Variants in SOX7 observed in about 807,000 individuals in gnomAD.
SOX7 encodes the protein SRY-box transcription factor 7, also known as transcription factor SOX-7.
SOX7 carries 19 observed loss-of-function variants against 24.9 expected under a neutral mutation model. The ratio of observed to expected loss-of-function variants is 0.76; its 90% CI spans 0.53 to 1.12. The LOEUF (loss-of-function observed/expected upper bound fraction) is 1.12. Among genes scored for constraint, SOX7 ranks in the 50% most tolerant of loss-of-function variants. SOX7 has a pLI of 0.00. For missense variants in SOX7, 702 were observed against 535.0 expected, an observed-to-expected ratio of 1.31 and a Z score of -3.08; for synonymous variants, 327 against 244.5, an observed-to-expected ratio of 1.34 and a Z score of -3.15.
At position 10,730,316 on chromosome 8, in the gene SOX7, CCTTGTCCCCCGGGGG is replaced by C. The variant is rs1393521510; in HGVS notation, c.103_117del (p.Pro35_Lys39del). 2 of 1,575,198 alleles carry C rather than the reference CCTTGTCCCCCGGGGG, an allele frequency of 1.3e-6. No individual in the cohort carries two copies. The highest frequency in any genetic ancestry group is 2.3e-5 in the South Asian group (2 of 87,088). ...GGCCGCCGGATACGGCTCTCGGAGC[CCTTGTCCCCCGGGGG>C]CCGGGGGACGGCCGGCGGCGATTGT... is the stretch of plus-strand genomic sequence containing the variant. On this transcript the variant is annotated inframe_deletion, in exon 1 of 2. Transcript: ENST00000304501. This position sits in a 1 kb window ranked among gnomAD's most constrained non-coding sequence, Gnocchi z 4.8.
chr8:10,725,934 A>T lies in SOX7; in HGVS notation c.971T>A (p.Leu324Gln). ...ALDQLSQVELLGDMDRNEFDQ... is the reference protein window; with the variant it reads ...ALDQLSQVELQGDMDRNEFDQ... ...GAATTCATTGCGATCCATGTCCCCC[A>T]GGAGTTCCACCTGGCTCAGTTGATC... Residue 324 changes from leucine to glutamine, a missense_variant, in exon 2 of 2, where the codon CTG (leucine) becomes CAG (glutamine). Coordinates refer to ENST00000304501, the MANE Select transcript of SOX7 (RefSeq NM_031439.4). 6.2e-7 allele frequency: 1 copy of T among 1,613,836 alleles called. No homozygotes were observed. Among genetic ancestry groups the T allele is most frequent in the Non-Finnish European group, 8.5e-7 (1 of 1,179,792 alleles).
At chr8:10,729,682 G>A (rs570694802) in intron 1 of SOX7, 2 of 152,408 alleles carry the variant, frequency 1.3e-5, no homozygotes, top group African/African-American at 4.8e-5. Flanking sequence ...GTTAAAGCAA[G>A]GATTCGTTCC....
In SOX7 at chr8:10,726,157, G is replaced by T; in HGVS notation, c.748C>A (p.Pro250Thr). ...CCCAGGGGGTGGCTACAGTGGAGAGGGCTTGGGGCGTACTCCGGTGAGTAC... is the reference window on the plus strand; with the variant it reads ...CCCAGGGGGTGGCTACAGTGGAGAGTGCTTGGGGCGTACTCCGGTGAGTAC... ...HPYSPEYAPS[P>T]LHCSHPLGSL... Residue 250 changes from proline (P) to threonine (T), a missense_variant, in exon 2 of 2, where the codon CCT becomes ACT. Pro to Thr is a conservative substitution (Grantham distance 38). Transcript: ENST00000304501. 2 of 1,602,368 alleles carry T rather than the reference G, an allele frequency of 1.2e-6. No individual in the cohort carries two copies. The highest frequency in any genetic ancestry group is 1.7e-6 in the Non-Finnish European group (2 of 1,174,464).
chr8:10,726,600 C>T lies in SOX7; in HGVS notation c.305G>A (p.Arg102His). The change falls in exon 2 of 2, where the codon CGC (arginine) becomes CAC (histidine). Residue 102 changes from arginine (R) to histidine (H), a missense_variant. Arg to His is a conservative substitution (Grantham distance 29). Transcript: ENST00000304501. ...RPYVDEAERL[R>H]LQHMQDYPNY... ...GGGGTAGTCCTGCATGTGCTGCAGG[C>T]GCAGCCGCTCCGCCTCGTCCACGTA... is the stretch of plus-strand genomic sequence containing the variant. The T allele has an allele frequency of 3.1e-6, 5 of 1,608,548 alleles. No individual in the cohort carries two copies. The highest frequency in any genetic ancestry group is 2.5e-6 in the Non-Finnish European group (3 of 1,179,546).
In SOX7 at chr8:10,725,640, C is replaced by A; in HGVS notation, c.*98G>T. The stretch of plus-strand genomic sequence containing the variant: ...GCAGTTCAGACCTCCCTGCCCTGAG[C>A]GGTGGGAGGAAAGCTGGTGTGGCTG... On this transcript the variant is annotated 3_prime_UTR_variant, in exon 2 of 2. Coordinates refer to ENST00000304501, the MANE Select transcript of SOX7 (RefSeq NM_031439.4). 2.3e-6 allele frequency: 3 copies of A among 1,309,888 alleles called. No individual in the cohort carries two copies. The highest frequency in any genetic ancestry group is 1.9e-5 in the Admixed American group (1 of 53,094). The allele number at this position is 1,309,888 out of a possible 1,614,324, so 81.1% of individuals were successfully genotyped here.
chr8:10,725,441 A>G lies in SOX7; in HGVS notation c.*297T>C, dbSNP rs1800122587. 2.3e-6 allele frequency: 1 copy of G among 431,470 alleles called. No homozygotes were observed. Among genetic ancestry groups the G allele is most frequent in the South Asian group, 3.3e-5 (1 of 30,322 alleles). The allele number at this position is 431,470 out of a possible 1,614,324, so 26.7% of individuals were successfully genotyped here. ...CCATTAGTTTCGATGATGGCTACCA[A>G]GAAAAGACGTCAGTGAACATTCCAC... is the stretch of plus-strand genomic sequence containing the variant. On this transcript the variant is annotated 3_prime_UTR_variant, in exon 2 of 2. Transcript: ENST00000304501.
rs767127133 is a variant in SOX7 at position 10,725,766 on chromosome 8, G to A, written c.1139C>T (p.Thr380Met). 11 of 1,614,074 alleles carry A rather than the reference G, an allele frequency of 6.8e-6. No homozygotes were observed. In the East Asian group the frequency reaches 1.3e-4, roughly 20 times the overall value. The change falls in exon 2 of 2, where the codon ACG (threonine) becomes ATG (methionine). Residue 380 changes from threonine to methionine, a missense_variant. Thr to Met is a moderately conservative substitution (Grantham distance 81). Coordinates refer to ENST00000304501, the MANE Select transcript of SOX7 (RefSeq NM_031439.4). ...LISVLADATA[T>M]YYNSYSVS ...TGACACACTGTAGCTGTTGTAGTAC[G>A]TGGCCGTGGCATCAGCCAGGACGGA...
At position 10,725,756 on chromosome 8, in the gene SOX7, G is replaced by C; in HGVS notation, c.1149C>G (p.Asn383Lys). The C allele has an allele frequency of 6.2e-7, 1 of 1,614,190 alleles. No individual in the cohort carries two copies. Among genetic ancestry groups the C allele is most frequent in the Middle Eastern group, 1.6e-4 (1 of 6,062 alleles). ...VLADATATYY[N>K]SYSVS ...TCCAGCTCTATGACACACTGTAGCT[G>C]TTGTAGTACGTGGCCGTGGCATCAG... Residue 383 changes from asparagine to lysine, a missense_variant, in exon 2 of 2, where the codon AAC becomes AAG. Coordinates refer to ENST00000304501, the MANE Select transcript of SOX7 (RefSeq NM_031439.4).
At chr8:10,729,818 C>T (rs1800224828) in intron 1 of SOX7, among the ~76,000 whole-genome samples, 1 of 152,100 alleles carries the variant, frequency 6.6e-6, no homozygotes, top group African/African-American at 2.4e-5. Context: ...CTAGTAAACG[C>T]CTGTTCCACC....
chr8:10,725,309 C>T lies in SOX7; in HGVS notation c.*429G>A, dbSNP rs142619492. 1.6e-4 allele frequency: 32 copies of T among 195,450 alleles called. 1 individual carries two copies. The highest frequency in any genetic ancestry group is 1.1e-3 in the Admixed American group (21 of 18,940). The allele number at this position is 195,450 out of a possible 1,614,324, so 12.1% of individuals were successfully genotyped here. On this transcript the variant is annotated 3_prime_UTR_variant, in exon 2 of 2. Coordinates refer to ENST00000304501, the MANE Select transcript of SOX7 (RefSeq NM_031439.4). ...AAATTATCACCAGATCGTAGGTTAG[C>T]GAGCTCATTAATGAGTCAAATTTCC...
chr8:10,727,323 C>T lies in SOX7; in HGVS notation c.239-657G>A, dbSNP rs367773827. 1.3e-4 allele frequency among the ~76,000 whole-genome samples: 20 copies of T among 152,290 alleles called. No homozygotes were observed. The South Asian group carries it at 1.5e-3, about 11-fold the overall frequency. On this transcript the variant is annotated intron_variant, in intron 1 of 1. Transcript: ENST00000304501. ...CTAGCATCTGCTTGCAACACATATA[C>T]GCACACCCAGACACATGCATGCACA...
In SOX7 at chr8:10,726,513, G is replaced by A. The variant is rs780094019; in HGVS notation, c.392C>T (p.Pro131Leu). The A allele has an allele frequency of 3.1e-6, 5 of 1,612,458 alleles. No homozygotes were observed. The South Asian group carries it at 3.3e-5, about 11-fold the overall frequency. ...QAKRLCKRVDPGFLLSSLSRD... is the reference protein window; with the variant it reads ...QAKRLCKRVDLGFLLSSLSRD... ...GGAGAGGGAGCTCAGAAGGAAGCCC[G>A]GGTCCACGCGCTTGCACAGCCGCTT... Residue 131 changes from proline (P) to leucine (L), a missense_variant, in exon 2 of 2, where the codon CCG (proline) becomes CTG (leucine). Transcript: ENST00000304501.
chr8:10,726,387 C>G lies in SOX7; in HGVS notation c.518G>C (p.Ser173Thr). Reference protein sequence around the residue: ...GEYSPGTALPSLRGCYHEGPA... With the variant: ...GEYSPGTALPTLRGCYHEGPA... ...CCCCTCGTGGTAGCAGCCCCGGAGGCTGGGCAGGGCAGTGCCGGGGGAGTA... is the reference window on the plus strand; with the variant it reads ...CCCCTCGTGGTAGCAGCCCCGGAGGGTGGGCAGGGCAGTGCCGGGGGAGTA... Residue 173 changes from serine (S) to threonine (T), a missense_variant, in exon 2 of 2, where the codon AGC becomes ACC. By Grantham distance (58) the Ser-to-Thr change is moderately conservative (BLOSUM62 1). Transcript: ENST00000304501. 10 of 1,612,304 alleles carry G rather than the reference C, an allele frequency of 6.2e-6. No individual in the cohort carries two copies. The highest frequency in any genetic ancestry group is 8.5e-6 in the Non-Finnish European group (10 of 1,179,290).
At position 10,724,364 on chromosome 8, in the gene SOX7, T is replaced by C. The variant is rs1040655142; in HGVS notation, c.*1374A>G. ...ATTCTCACAGCAGCTAAAGGAAGCA[T>C]GCTTGGGATAAGTCAGGGGCTGTTT... On this transcript the variant is annotated 3_prime_UTR_variant, in exon 2 of 2. Coordinates refer to ENST00000304501, the MANE Select transcript of SOX7 (RefSeq NM_031439.4). 4 of 152,202 alleles carry C rather than the reference T, an allele frequency of 2.6e-5. No homozygotes were observed. Among genetic ancestry groups the C allele is most frequent in the African/African-American group, 7.2e-5 (3 of 41,436 alleles). The allele number at this position is 152,202 out of a possible 1,614,324, so 9.4% of individuals were successfully genotyped here.
Position 10,726,556 on chromosome 8 carries a change from G to A in SOX7, c.349C>T (p.Arg117Cys), listed in dbSNP as rs1800159782. ...QDYPNYKYRP[R>C]RKKQAKRLCK... ...AGCCGCTTGGCCTGCTTCTTCCTGC[G>A]CGGCCGGTACTTGTAGTTGGGGTAG... The change falls in exon 2 of 2, where the codon CGC becomes TGC. Residue 117 changes from arginine to cysteine, a missense_variant. Arg to Cys is a radical substitution (Grantham distance 180). Transcript: ENST00000304501. The A allele has an allele frequency of 3.1e-6, 5 of 1,612,176 alleles. No individual in the cohort carries two copies. The highest frequency in any genetic ancestry group is 2.2e-5 in the East Asian group (1 of 44,866).
intron 1 of SOX7, among the ~76,000 whole-genome samples, chr8:10,729,044 C>T (rs1329367491): frequency 6.6e-6 from 1 of 152,258 alleles, no homozygotes; most frequent in Non-Finnish European, 1.5e-5. Context: ...GTGCAGCCGG[C>T]CACCAGGCTG....
At chr8:10,727,182 C>G (rs1338304869) in intron 1 of SOX7, among the ~76,000 whole-genome samples, 1 of 152,214 alleles carries the variant, frequency 6.6e-6, no homozygotes, top group African/African-American at 2.4e-5. Context: ...AACCCAGGCT[C>G]AGTCAATACT....
Position 10,726,326 on chromosome 8 carries a change from A to G in SOX7, c.579T>C (p.Ser193=), listed in dbSNP as rs983028191. 5 of 1,613,118 alleles carry G rather than the reference A, an allele frequency of 3.1e-6. No homozygotes were observed. Among genetic ancestry groups the G allele is most frequent in the Non-Finnish European group, 4.2e-6 (5 of 1,179,800 alleles). The change falls in exon 2 of 2, where the codon AGT becomes AGC. Residue 193 remains serine, a synonymous_variant. Transcript: ENST00000304501. The part of the protein sequence containing the change: ...AGGGGGGTPS[S]VDTYPYGLPT... Reference sequence around the variant, plus strand: ...GCAGCCCGTACGGGTACGTGTCCACACTGCTCGGGGTGCCGCCGCCGCCAC... The same window carrying G: ...GCAGCCCGTACGGGTACGTGTCCACGCTGCTCGGGGTGCCGCCGCCGCCAC...
intron 1 of SOX7, among the ~76,000 whole-genome samples, chr8:10,727,255 T>C (rs1285604997): frequency 6.6e-6 from 1 of 152,208 alleles, no homozygotes; most frequent in Non-Finnish European, 1.5e-5. Context: ...TCCTTACCTC[T>C]GAAGGTCGAA....
Sources: gnomAD v4.1 joint callset for allele counts (sites outside exome capture counted in the v4.1 genomes callset) on GRCh38, gnomAD v4.1.1 for gene constraint, Gnocchi (gnomAD v3.1) non-coding constraint, MANE v1.5 for transcripts, NCBI Gene and HGNC (gene_info 2026-07-23, HGNC 2026-07-21) for gene names.